SHH: variants seen among roughly 807,000 people sequenced by gnomAD.
SHH encodes sonic hedgehog signaling molecule.
Under a neutral mutation model 16.6 loss-of-function variants are expected in SHH, and 3 were observed. That is an observed-to-expected ratio of 0.18 (90% CI 0.08 to 0.47). The LOEUF (loss-of-function observed/expected upper bound fraction) is 0.47, where lower values mean the gene tolerates loss of function less well. SHH is among the 20% of genes least tolerant of loss of function. The probability of loss-of-function intolerance (pLI) is 0.98; values close to 1 mark genes in which losing one functional copy is unlikely to be tolerated. For missense variants in SHH, 499 were observed against 665.0 expected (o/e 0.75, Z 2.75); for synonymous variants, 351 against 316.2 (o/e 1.11, Z -1.17).
In SHH at chr7:155,802,816, C is replaced by T. The variant is rs531531126; in HGVS notation, c.*84G>A. 72 of 852,276 alleles carry T rather than the reference C, an allele frequency of 8.4e-5. 1 individual carries two copies. In the Middle Eastern group the frequency reaches 2.3e-3, roughly 27 times the overall value. 52.8% of individuals were successfully genotyped at this position (852,276 alleles called of 1,614,324 possible). On this transcript the variant is annotated 3_prime_UTR_variant, in exon 3 of 3. Coordinates refer to ENST00000297261, the MANE Select transcript of SHH (RefSeq NM_000193.4). ...ATTATAACTCAGTCTGGTTCGTGCG[C>T]CTTTTCCGAGTGTCTTTTTGCTTTG...
chr7:155,808,342 C>A (rs1043201145), intron 1 of SHH, among the ~76,000 whole-genome samples: 5 of 152,252 alleles, frequency 3.3e-5, no homozygotes, highest in African/African-American at 4.8e-5. Flanking sequence ...CCCACCCCAC[C>A]GCAGCTCCCT....
At position 155,803,149 on chromosome 7, in the gene SHH, G is replaced by A. The variant is rs754281421; in HGVS notation, c.1140C>T (p.Phe380=). 8 of 1,430,730 alleles carry A rather than the reference G, an allele frequency of 5.6e-6. No individual in the cohort carries two copies. The South Asian group carries it at 1.0e-4, about 18-fold the overall frequency. The allele number at this position is 1,430,730 out of a possible 1,614,324, so 88.6% of individuals were successfully genotyped here. A position where few individuals can be genotyped will look rare whatever the true frequency, so the allele number is the denominator to read the frequency against. ...HSWAHRAFAP[F]RLAHALLAAL... ...CAGCCAGGAGCGCGTGCGCCAGGCG[G>A]AAGGGCGCGAAGGCCCGGTGCGCCC... The change falls in exon 3 of 3, where the codon TTC becomes TTT. Residue 380 remains phenylalanine (F), a synonymous_variant. Coordinates refer to ENST00000297261, the MANE Select transcript of SHH (RefSeq NM_000193.4).
intron 1 of SHH, among the ~76,000 whole-genome samples, chr7:155,808,576 C>T (rs1175675955): frequency 6.6e-6 from 1 of 152,200 alleles, no homozygotes; most frequent in Non-Finnish European, 1.5e-5. Context: ...GGCGCCCCCG[C>T]CCCTTGCGCC....
At position 155,802,859 on chromosome 7, in the gene SHH, C is replaced by CGG; in HGVS notation, c.*40_*41insCC. The CGG allele has an allele frequency of 1.6e-6, 1 of 629,102 alleles. No homozygotes were observed. The highest frequency in any genetic ancestry group is 2.5e-6 in the Non-Finnish European group (1 of 406,504). 39.0% of individuals were successfully genotyped at this position (629,102 alleles called of 1,614,324 possible). On this transcript the variant is annotated 3_prime_UTR_variant, in exon 3 of 3. Coordinates refer to ENST00000297261, the MANE Select transcript of SHH (RefSeq NM_000193.4). ...TTGCTTTGCGTTGCTGTTGCTGCCC[C>CGG]GCCCCGCCCCCTCCCGCGCCCCTCC...
chr7:155,803,268 C>A lies in SHH; in HGVS notation c.1021G>T (p.Ala341Ser). The A allele has an allele frequency of 6.6e-7, 1 of 1,507,626 alleles. No individual in the cohort carries two copies. The highest frequency in any genetic ancestry group is 1.2e-5 in the South Asian group (1 of 80,074). 93.4% of individuals were successfully genotyped at this position (1,507,626 alleles called of 1,614,324 possible). ...GTGAGCGGCGCGTAGGCGCCCGCGG[C>A]CTCCTCGCTTAGGGTCACGCTGTGC... ...AVHSVTLSEE[A>S]AGAYAPLTAQ... Residue 341 changes from alanine (A) to serine (S), a missense_variant, in exon 3 of 3, where the codon GCC becomes TCC. Around this residue, in one of 4 missense-constraint regions of SHH, gnomAD observed 299 missense variants for 301.1 expected, o/e 0.99. Transcript: ENST00000297261.
At position 155,802,779 on chromosome 7, in the gene SHH, A is replaced by ATT. The variant is rs1563198401; in HGVS notation, c.*119_*120dup. The ATT allele has an allele frequency of 1.2e-5, 7 of 584,586 alleles. No homozygotes were observed. The highest frequency in any genetic ancestry group is 3.9e-5 in the African/African-American group (2 of 51,504). The allele number at this position is 584,586 out of a possible 1,614,324, so 36.2% of individuals were successfully genotyped here. A position where few individuals can be genotyped will look rare whatever the true frequency, so the allele number is the denominator to read the frequency against. ...CTACTTTGGACTGTCCTACTTTATT[A>ATT]TTCTTATTCTTATTATAACTCAGTC... On this transcript the variant is annotated 3_prime_UTR_variant, in exon 3 of 3. Coordinates refer to ENST00000297261, the MANE Select transcript of SHH (RefSeq NM_000193.4).
intron 1 of SHH, among the ~76,000 whole-genome samples, chr7:155,810,124 C>A (rs928940648): frequency 6.6e-6 from 1 of 152,148 alleles, no homozygotes; most frequent in African/African-American, 2.4e-5. Flanking sequence ...CGCGGGGGAT[C>A]GATAACCCGG....
intron 1 of SHH, among the ~76,000 whole-genome samples, chr7:155,810,125 G>A (rs1296854305): frequency 6.6e-6 from 1 of 152,166 alleles, no homozygotes; most frequent in Non-Finnish European, 1.5e-5. Context: ...GCGGGGGATC[G>A]ATAACCCGGG....
rs568377359 is a variant in SHH at position 155,807,367 on chromosome 7, G to C, written c.301-810C>G. On this transcript the variant is annotated intron_variant, in intron 1 of 2. Coordinates refer to ENST00000297261, the MANE Select transcript of SHH (RefSeq NM_000193.4). This position sits in a 1 kb window ranked among gnomAD's most constrained non-coding sequence, Gnocchi z 7.1. ...TTTCTTTAACCTGTTCCCTTCCTCC[G>C]CTCTTGTGTTCTTGGCCCCAGCATA... The C allele has an allele frequency of 6.5e-4, 99 of 152,036 alleles. No homozygotes were observed. Among genetic ancestry groups the C allele is most frequent in the African/African-American group, 2.2e-3 (92 of 41,356 alleles). 9.4% of individuals were successfully genotyped at this position (152,036 alleles called of 1,614,324 possible).
chr7:155,806,354 G>A lies in SHH; in HGVS notation c.504C>T (p.Ala168=), dbSNP rs1803361183. The change falls in exon 2 of 3, where the codon GCC becomes GCT. Residue 168 remains alanine (A), a synonymous_variant. Coordinates refer to ENST00000297261, the MANE Select transcript of SHH (RefSeq NM_000193.4). ...YGMLARLAVE[A]GFDWVYYESK... Reference sequence around the variant, plus strand: ...ACTCGTAGTACACCCAGTCGAAGCCGGCCTCCACCGCCAGGCGGGCCAGCA... The same window carrying A: ...ACTCGTAGTACACCCAGTCGAAGCCAGCCTCCACCGCCAGGCGGGCCAGCA... 6.2e-7 allele frequency: 1 copy of A among 1,613,526 alleles called. No homozygotes were observed. Among genetic ancestry groups the A allele is most frequent in the Non-Finnish European group, 8.5e-7 (1 of 1,180,036 alleles).
In SHH at chr7:155,811,802, G is replaced by A. The variant is rs773026927; in HGVS notation, c.300+21C>T. The A allele has an allele frequency of 4.3e-6, 7 of 1,612,986 alleles. No individual in the cohort carries two copies. The African/African-American group carries it at 9.3e-5, about 22-fold the overall frequency. ...CCCCCTGGAAAGCCACACATTCCAC[G>A]CCCCGGCGCTGGGTTCCTACCTGAG... On this transcript the variant is annotated intron_variant, in intron 1 of 2. Coordinates refer to ENST00000297261, the MANE Select transcript of SHH (RefSeq NM_000193.4).
chr7:155,806,120 T>A (rs1394547221), intron 2 of SHH, among the ~76,000 whole-genome samples, 176 bp downstream of exon 2: 1 of 151,668 alleles, frequency 6.6e-6, no homozygotes, highest in Non-Finnish European at 1.5e-5. Flanking sequence ...AAGGTAGGGG[T>A]GATTTCGAGG....
rs191574212 is a variant in SHH at position 155,800,282 on chromosome 7, C to T, written c.*2618G>A. 3.7e-5 allele frequency: 17 copies of T among 464,152 alleles called. No homozygotes were observed. In the East Asian group the frequency reaches 7.0e-4, roughly 19 times the overall value. 28.8% of individuals were successfully genotyped at this position (464,152 alleles called of 1,614,324 possible). A position where few individuals can be genotyped will look rare whatever the true frequency, so the allele number is the denominator to read the frequency against. ...AGAATTTTAAATATAAAGCAGTGGA[C>T]GCATCTTAAGAAGATGGACCAGGAG... is the stretch of plus-strand genomic sequence containing the variant. On this transcript the variant is annotated 3_prime_UTR_variant, in exon 3 of 3. Coordinates refer to ENST00000297261, the MANE Select transcript of SHH (RefSeq NM_000193.4).
At position 155,801,806 on chromosome 7, in the gene SHH, G is replaced by T. The variant is rs565069492; in HGVS notation, c.*1094C>A. 6.6e-6 allele frequency: 1 copy of T among 152,214 alleles called. No individual in the cohort carries two copies. The highest frequency in any genetic ancestry group is 1.9e-4 in the East Asian group (1 of 5,184). The allele number at this position is 152,214 out of a possible 1,614,324, so 9.4% of individuals were successfully genotyped here. A position where few individuals can be genotyped will look rare whatever the true frequency, so the allele number is the denominator to read the frequency against. On this transcript the variant is annotated 3_prime_UTR_variant, in exon 3 of 3. Coordinates refer to ENST00000297261, the MANE Select transcript of SHH (RefSeq NM_000193.4). ...AAGAAGCCAAAAACTAAAAGAAAAA[G>T]GGCTGCAACAGGAATTCTTAGTTAT...
In SHH at chr7:155,802,889, GC is replaced by G. The variant is rs747055674; in HGVS notation, c.*10del. The G allele has an allele frequency of 2.6e-5, 16 of 617,952 alleles. No homozygotes were observed. The highest frequency in any genetic ancestry group is 1.0e-4 in the East Asian group (1 of 9,584). 38.3% of individuals were successfully genotyped at this position (617,952 alleles called of 1,614,324 possible). On this transcript the variant is annotated 3_prime_UTR_variant, in exon 3 of 3. Transcript: ENST00000297261. ...CGCCCCCTCCCGCGCCCCTCCCCCG[GC>G]CCCCCGGCTTCAGCTGGACTTGACC...
At chr7:155,806,622 C>G in intron 1 of SHH, 65 bp from the exon 2 acceptor site, 1 of 1,599,400 alleles carries the variant, frequency 6.3e-7, no homozygotes, top group Non-Finnish European at 8.6e-7. Context: ...CCCCTCCCGG[C>G]CCCTCCATCA....
Position 155,803,065 on chromosome 7 carries a change from G to GC in SHH, c.1223dup (p.Gly409ArgfsTer89). 7.2e-7 allele frequency: 1 copy of GC among 1,393,586 alleles called. No homozygotes were observed. The highest frequency in any genetic ancestry group is 1.8e-5 in the South Asian group (1 of 54,358). The allele number at this position is 1,393,586 out of a possible 1,614,324, so 86.3% of individuals were successfully genotyped here. ...CGGTTAGGGCTACTCTGCCGCCGCC[G>GC]CCCCCGCGGTCCCCGCCGCCGCTGT... On this transcript the variant is annotated frameshift_variant, in exon 3 of 3. Transcript: ENST00000297261. LOFTEE classifies it low-confidence loss of function (END_TRUNC).
In SHH at chr7:155,803,434, G is replaced by C. The variant is rs1563199162; in HGVS notation, c.855C>G (p.Pro285=). ...APHNDSATGE[P]EASSGSGPPS... ...GCGGCCCCGAGCCCGAGGACGCCTC[G>C]GGCTCCCCGGTGGCCGAGTCGTTGT... The change falls in exon 3 of 3, where the codon CCC becomes CCG. Residue 285 remains proline, a synonymous_variant. Transcript: ENST00000297261. 1 of 1,535,680 alleles carries C rather than the reference G, an allele frequency of 6.5e-7. No individual in the cohort carries two copies. Among genetic ancestry groups the C allele is most frequent in the African/African-American group, 1.4e-5 (1 of 72,674 alleles).
intron 2 of SHH, among the ~76,000 whole-genome samples, chr7:155,805,307 C>T (rs755118843): frequency 2.0e-4 from 30 of 152,068 alleles, no homozygotes; most frequent in Non-Finnish European, 3.7e-4. Context: ...ACACCCGCCC[C>T]TGCCGCCCCC....
Sources: gnomAD v4.1 joint callset for allele counts (sites outside exome capture counted in the v4.1 genomes callset) on GRCh38, gnomAD v4.1.1 for gene constraint, gnomAD v4.1.1 regional missense constraint, Gnocchi (gnomAD v3.1) non-coding constraint, MANE v1.5 for transcripts, NCBI Gene and HGNC (gene_info 2026-07-23, HGNC 2026-07-21) for gene names.